The following RBM33 variants were observed in gnomAD, a reference collection of about 807,000 sequenced individuals.
The protein encoded by RBM33 is RNA binding motif protein 33.
RBM33 carries 28 observed loss-of-function variants against 132.6 expected under a neutral mutation model. The observed-to-expected ratio is 0.21, with a 90% CI of 0.16 to 0.29. The LOEUF is 0.29. Ranked by LOEUF, RBM33 falls within the 10% of genes least tolerant of loss-of-function variation. The pLI, the probability that RBM33 is intolerant of heterozygous loss-of-function variation, is 1.00. For missense variants in RBM33, 1,291 were observed against 1,518.5 expected (o/e 0.85, Z 2.49); for synonymous variants, 634 against 593.0 (o/e 1.07, Z -1.01).
chr7:155,777,198 G>T lies in RBM33; in HGVS notation c.*2157G>T, dbSNP rs186420738. 2 of 152,536 alleles carry T rather than the reference G, an allele frequency of 1.3e-5. No individual in the cohort carries two copies. The highest frequency in any genetic ancestry group is 6.5e-5 in the Admixed American group (1 of 15,274). 9.4% of individuals were successfully genotyped at this position (152,536 alleles called of 1,614,324 possible). A position where few individuals can be genotyped will look rare whatever the true frequency, so the allele number is the denominator to read the frequency against. On this transcript the variant is annotated 3_prime_UTR_variant, in exon 18 of 18. Coordinates refer to ENST00000401878, the MANE Select transcript of RBM33 (RefSeq NM_053043.3). ...TCCTGTTTGGGCCTTCATTGTTAAGGTGGACTTCATGGCCACTGGAAGGTC... is the reference window on the plus strand; with the variant it reads ...TCCTGTTTGGGCCTTCATTGTTAAGTTGGACTTCATGGCCACTGGAAGGTC...
At chr7:155,724,858 T>G (rs572830026) in intron 9 of RBM33, among the ~76,000 whole-genome samples, 1 of 152,338 alleles carries the variant, frequency 6.6e-6, no homozygotes, top group Non-Finnish European at 1.5e-5. Context: ...GTAGTTTGTC[T>G]TTTCTATTGC....
At chr7:155,653,758 T>C (rs1014813352) in intron 1 of RBM33, among the ~76,000 whole-genome samples, 2 of 152,220 alleles carry the variant, frequency 1.3e-5, no homozygotes, top group Non-Finnish European at 2.9e-5. Context: ...TATAATAAAC[T>C]GTAACAGTAA....
chr7:155,771,401 C>T (rs1340621711), intron 16 of RBM33, among the ~76,000 whole-genome samples: 5 of 152,114 alleles, frequency 3.3e-5, no homozygotes, highest in Non-Finnish European at 7.4e-5. Context: ...AAAGAAGGTA[C>T]AAAAATGTAA....
At chr7:155,724,016 C>T (rs918681214) in intron 9 of RBM33, among the ~76,000 whole-genome samples, 6 of 152,156 alleles carry the variant, frequency 3.9e-5, no homozygotes, top group Non-Finnish European at 7.3e-5. Flanking sequence ...GTAGTTTGCC[C>T]ATCTGCAACT....
Position 155,707,084 on chromosome 7 carries a change from C to T in RBM33, c.948+16C>T. 6.5e-7 allele frequency: 1 copy of T among 1,527,078 alleles called. No individual in the cohort carries two copies. Among genetic ancestry groups the T allele is most frequent in the Non-Finnish European group, 8.8e-7 (1 of 1,133,778 alleles). The allele number at this position is 1,527,078 out of a possible 1,614,324, so 94.6% of individuals were successfully genotyped here. A position where few individuals can be genotyped will look rare whatever the true frequency, so the allele number is the denominator to read the frequency against. ...TCCTGTCGTGGTAACTTCAGATTTT[C>T]TTGTAGTAGCCCTAGAACTTCAGAA... On this transcript the variant is annotated intron_variant, in intron 7 of 17. Transcript: ENST00000401878.
chr7:155,737,481 A>G (rs1801165588), intron 9 of RBM33, 49 bp from the exon 10 acceptor site: 1 of 1,525,698 alleles, frequency 6.6e-7, no homozygotes, highest in South Asian at 1.3e-5. Flanking sequence ...ATTACATACC[A>G]TTTTTCTGTC....
intron 1 of RBM33, among the ~76,000 whole-genome samples, chr7:155,658,651 G>A (rs539243120): frequency 6.6e-4 from 101 of 152,132 alleles, no homozygotes; most frequent in African/African-American, 2.4e-3. Context: ...CACCCGCCTC[G>A]GCCTCCCAAA....
chr7:155,760,100 A>G (rs995378901), intron 14 of RBM33, among the ~76,000 whole-genome samples: 7 of 152,252 alleles, frequency 4.6e-5, no homozygotes, highest in Non-Finnish European at 8.8e-5. Flanking sequence ...TAAAAAGTAC[A>G]GGCAACTATT....
intron 1 of RBM33, among the ~76,000 whole-genome samples, chr7:155,654,516 TTCTC>T (rs1290986274): frequency 2.0e-5 from 3 of 152,226 alleles, no homozygotes; most frequent in African/African-American, 7.2e-5. Flanking sequence ...TTCTGACTAC[TTCTC>T]TCTATGAGTG....
intron 13 of RBM33, among the ~76,000 whole-genome samples, chr7:155,744,385 A>G (rs972046015): frequency 2.0e-5 from 3 of 152,216 alleles, no homozygotes; most frequent in Admixed American, 6.5e-5. Context: ...CTTATATACC[A>G]TTAATATTCC....
chr7:155,753,458 AG>A (rs796627997), intron 14 of RBM33, among the ~76,000 whole-genome samples: 93 of 152,356 alleles, frequency 6.1e-4, no homozygotes, highest in African/African-American at 2.1e-3. Flanking sequence ...GGTCCCGGAC[AG>A]GAGGATGCCG....
At chr7:155,659,295 A>C (rs1021393405) in intron 1 of RBM33, among the ~76,000 whole-genome samples, 1 of 152,244 alleles carries the variant, frequency 6.6e-6, no homozygotes, top group Non-Finnish European at 1.5e-5. Context: ...TTTACTAGAC[A>C]GATGCTTTAA....
rs1371916455 is a variant in RBM33, at chr7:155,741,689, A to G, written c.2050-130A>G. The G allele has an allele frequency of 1.1e-5, 9 of 853,750 alleles. No homozygotes were observed. In the Admixed American group the frequency reaches 1.1e-4, roughly 11 times the overall value. 52.9% of individuals were successfully genotyped at this position (853,750 alleles called of 1,614,324 possible). ...GAGAAAAAAAGTATGAGAAAAAAGT[A>G]TCTGCTCCCCAAAAGAAGTCATTTA... On this transcript the variant is annotated intron_variant, in intron 12 of 17. Coordinates refer to ENST00000401878, the MANE Select transcript of RBM33 (RefSeq NM_053043.3).
At chr7:155,721,967 G>A (rs1489149046) in intron 9 of RBM33, among the ~76,000 whole-genome samples, 1 of 152,068 alleles carries the variant, frequency 6.6e-6, no homozygotes, top group African/African-American at 2.4e-5. Flanking sequence ...TTTGCTCTTG[G>A]TTATGTTAGT....
At chr7:155,727,390 C>T (rs1387827687) in intron 9 of RBM33, among the ~76,000 whole-genome samples, 1 of 152,150 alleles carries the variant, frequency 6.6e-6, no homozygotes, top group Non-Finnish European at 1.5e-5. Context: ...AATTAGGGCT[C>T]TGTTACTAAG....
intron 2 of RBM33, among the ~76,000 whole-genome samples, chr7:155,668,371 G>A (rs929396506): frequency 1.2e-4 from 18 of 152,118 alleles, no homozygotes; most frequent in South Asian, 4.1e-4. Context: ...GCAAGGTAGC[G>A]TGTCTTCTAG....
chr7:155,744,482 AATT>A (rs2117036134), intron 13 of RBM33, among the ~76,000 whole-genome samples: 1 of 152,318 alleles, frequency 6.6e-6, no homozygotes, highest in South Asian at 2.1e-4. Flanking sequence ...CATTATAACC[AATT>A]ATTCTGTGAC....
chr7:155,764,327 GC>G (rs1373979889), intron 15 of RBM33, among the ~76,000 whole-genome samples: 3 of 146,616 alleles, frequency 2.0e-5, no homozygotes, highest in South Asian at 2.2e-4. Context: ...GCCTGCTGCT[GC>G]GTGTCAGCAT....
intron 13 of RBM33, among the ~76,000 whole-genome samples, chr7:155,743,800 C>T (rs373370130): frequency 6.6e-6 from 1 of 152,086 alleles, no homozygotes; most frequent in Non-Finnish European, 1.5e-5. Flanking sequence ...AGTAATTATT[C>T]CTGTGTTTTG....
Sources: allele counts gnomAD v4.1 joint callset (sites outside exome capture counted in the v4.1 genomes callset), GRCh38; gene constraint gnomAD v4.1.1; transcripts MANE v1.5; gene names NCBI Gene and HGNC (gene_info 2026-07-23, HGNC 2026-07-21).